EEF2K: variants seen among roughly 807,000 people sequenced by gnomAD.
The protein encoded by EEF2K is alternative protein EEF2K.
Under a neutral mutation model 93.8 loss-of-function variants are expected in EEF2K, and 70 were observed. The ratio of observed to expected loss-of-function variants is 0.75; its 90% CI spans 0.62 to 0.91. The LOEUF (loss-of-function observed/expected upper bound fraction) is 0.91, where lower values mean the gene tolerates loss of function less well. EEF2K is among the 40% of genes least tolerant of loss of function. EEF2K has a pLI of 0.00. For missense variants in EEF2K, 935 were observed against 972.9 expected (o/e 0.96, Z 0.52); for synonymous variants, 376 against 380.8 (o/e 0.99, Z 0.15).
chr16:22,249,803 T>TA (rs1313347394), intron 4 of EEF2K, among the ~76,000 whole-genome samples: 60 of 151,510 alleles, frequency 4.0e-4, no homozygotes, highest in Non-Finnish European at 2.7e-4. Flanking sequence ...TTTTTGGAGA[T>TA]AGAGTTTTGC....
chr16:22,279,052 G>A (rs902006290), intron 16 of EEF2K, among the ~76,000 whole-genome samples: 2 of 152,068 alleles, frequency 1.3e-5, no homozygotes, highest in African/African-American at 2.4e-5. Context: ...TTCTCTACAA[G>A]TCAGAGGGCA....
At chr16:22,283,338 A>G (rs1232548672) in intron 17 of EEF2K, among the ~76,000 whole-genome samples, 2 of 151,612 alleles carry the variant, frequency 1.3e-5, no homozygotes, top group African/African-American at 2.4e-5. Context: ...AAAGAAGAAG[A>G]ATGATGCAAA....
intron 1 of EEF2K, among the ~76,000 whole-genome samples, chr16:22,215,104 T>C (rs1216996561): frequency 6.6e-6 from 1 of 152,164 alleles, no homozygotes; most frequent in Non-Finnish European, 1.5e-5. Flanking sequence ...TGAAGACTCC[T>C]ATACAAACGA....
intron 3 of EEF2K, among the ~76,000 whole-genome samples, chr16:22,246,503 G>A (rs1479877697): frequency 3.1e-5 from 4 of 128,434 alleles, no homozygotes; most frequent in African/African-American, 1.2e-4. Flanking sequence ...GTGACAGAGT[G>A]AGACTCAGTC....
rs375963775 is a variant in EEF2K at position 22,238,044 on chromosome 16, C to G, written c.247-6586C>G. 2.0e-4 allele frequency among the ~76,000 whole-genome samples: 31 copies of G among 152,258 alleles called. 1 individual carries two copies. In the East Asian group the frequency reaches 3.9e-3, roughly 19 times the overall value. ...GTGGCTCACGCCTGTAATCTCAGCA[C>G]TTTGGGAGGCCAAGGTGAGTGGATC... On this transcript the variant is annotated intron_variant, in intron 2 of 17. Coordinates refer to ENST00000263026, the MANE Select transcript of EEF2K (RefSeq NM_013302.5).
At chr16:22,283,403 T>G (rs1490100959) in intron 17 of EEF2K, among the ~76,000 whole-genome samples, 2 of 151,560 alleles carry the variant, frequency 1.3e-5, no homozygotes, top group East Asian at 3.9e-4. Flanking sequence ...AAACCTGAAG[T>G]ATATTTGTAT....
chr16:22,274,525 A>G (rs956202286), intron 16 of EEF2K, among the ~76,000 whole-genome samples: 3 of 152,144 alleles, frequency 2.0e-5, no homozygotes, highest in African/African-American at 7.2e-5. Context: ...TGCCTGAGAA[A>G]AAAATCTGAA....
rs35496277 is a variant in EEF2K at position 22,256,103 on chromosome 16, A to AT, written c.619-635dup. Among the ~76,000 whole-genome samples, 8 of 146,694 alleles carry AT rather than the reference A, an allele frequency of 5.5e-5. No homozygotes were observed. The East Asian group carries it at 6.0e-4, about 11-fold the overall frequency. ...TAATTTTTGTATTTTTATTTTATTA[A>AT]TTTTTTTTTTGAGACGGAGTTTTGC... On this transcript the variant is annotated intron_variant, in intron 6 of 17. Coordinates refer to ENST00000263026, the MANE Select transcript of EEF2K (RefSeq NM_013302.5).
intron 2 of EEF2K, among the ~76,000 whole-genome samples, chr16:22,242,563 C>T (rs1288662570): frequency 1.3e-5 from 2 of 151,934 alleles, no homozygotes; most frequent in East Asian, 1.9e-4. Context: ...CCATCTGCCT[C>T]GGCCTCCCAA....
intron 6 of EEF2K, among the ~76,000 whole-genome samples, chr16:22,254,844 G>T (rs1187669543): frequency 2.0e-5 from 3 of 152,016 alleles, no homozygotes; most frequent in East Asian, 1.9e-4. Context: ...GGGGTGGGGG[G>T]GCGGATCACT....
At chr16:22,267,466 A>G (rs1378662154) in intron 15 of EEF2K, among the ~76,000 whole-genome samples, 2 of 152,032 alleles carry the variant, frequency 1.3e-5, no homozygotes, top group East Asian at 3.9e-4. Flanking sequence ...GTGGTGGCAC[A>G]CACCTGTAAT....
Position 22,258,580 on chromosome 16 carries a change from G to A in EEF2K, c.1116G>A (p.Leu372=). 1 of 1,614,110 alleles carries A rather than the reference G, an allele frequency of 6.2e-7. No homozygotes were observed. Residue 372 remains leucine (L), a synonymous_variant, in exon 10 of 18, where the codon CTG becomes CTA. Transcript: ENST00000263026. ...CCCTCTCTGGGAGCCGGCCACCCCT[G>A]CTCCGTCCCCTTTCAGAGAACTCTG... ...VRTLSGSRPP[L]LRPLSENSGD...
Position 22,287,054 on chromosome 16 carries a change from G to A in EEF2K, c.*3058G>A, listed in dbSNP as rs2047760175. 1 of 152,310 alleles carries A rather than the reference G, an allele frequency of 6.6e-6. No individual in the cohort carries two copies. Among genetic ancestry groups the A allele is most frequent in the Non-Finnish European group, 1.5e-5 (1 of 68,106 alleles). 9.4% of individuals were successfully genotyped at this position (152,310 alleles called of 1,614,324 possible). A position where few individuals can be genotyped will look rare whatever the true frequency, so the allele number is the denominator to read the frequency against. On this transcript the variant is annotated 3_prime_UTR_variant, in exon 18 of 18. Coordinates refer to ENST00000263026, the MANE Select transcript of EEF2K (RefSeq NM_013302.5). ...TTGCAAGAGGTTGAGATCCTTCTGA[G>A]CTAGGAGAACTTATTCCACCTTCAA...
At position 22,258,660 on chromosome 16, in the gene EEF2K, C is replaced by G; in HGVS notation, c.1196C>G (p.Ser399Trp). The G allele has an allele frequency of 6.2e-7, 1 of 1,614,184 alleles. No homozygotes were observed. The highest frequency in any genetic ancestry group is 1.1e-5 in the South Asian group (1 of 91,088). ...TFDSLPSSPS[S>W]ATPHSQKLDH... Reference sequence around the variant, plus strand: ...GACTCTCTCCCTTCTTCCCCATCTTCGGCCACACCACACAGCCAGAAGCTA... The same window carrying G: ...GACTCTCTCCCTTCTTCCCCATCTTGGGCCACACCACACAGCCAGAAGCTA... The change falls in exon 10 of 18, where the codon TCG becomes TGG. Residue 399 changes from serine to tryptophan, a missense_variant. Transcript: ENST00000263026.
chr16:22,222,086 T>A (rs933283038), intron 1 of EEF2K, among the ~76,000 whole-genome samples: 1 of 152,106 alleles, frequency 6.6e-6, no homozygotes, highest in African/African-American at 2.4e-5. Context: ...AATTAAAAAA[T>A]TAAAAATAAA....
chr16:22,273,877 C>A, intron 16 of EEF2K, 127 bp downstream of exon 16: 1 of 1,388,734 alleles, frequency 7.2e-7, no homozygotes, highest in Non-Finnish European at 9.6e-7. Flanking sequence ...CAACCATGGG[C>A]AACTTATTTT....
chr16:22,234,414 G>T (rs1197290892), intron 2 of EEF2K, among the ~76,000 whole-genome samples: 1 of 152,048 alleles, frequency 6.6e-6, no homozygotes, highest in Non-Finnish European at 1.5e-5. Flanking sequence ...AAAATTATCT[G>T]GGCGTGGTGG....
rs1317350495 is a variant in EEF2K, at chr16:22,285,277, A to C, written c.*1281A>C. 1 of 152,116 alleles carries C rather than the reference A, an allele frequency of 6.6e-6. No homozygotes were observed. The highest frequency in any genetic ancestry group is 1.9e-4 in the East Asian group (1 of 5,186). The allele number at this position is 152,116 out of a possible 1,614,324, so 9.4% of individuals were successfully genotyped here. A position where few individuals can be genotyped will look rare whatever the true frequency, so the allele number is the denominator to read the frequency against. ...TGTTCTTACGTGAAATCTGCTCCCC[A>C]GCCCTGGTCCTTGGCATTTTCTGCT... On this transcript the variant is annotated 3_prime_UTR_variant, in exon 18 of 18. Coordinates refer to ENST00000263026, the MANE Select transcript of EEF2K (RefSeq NM_013302.5).
chr16:22,257,145 A>G (rs1203572601), intron 7 of EEF2K, 108 bp from the exon 8 acceptor site: 3 of 1,561,184 alleles, frequency 1.9e-6, no homozygotes, highest in African/African-American at 1.4e-5. Flanking sequence ...TTTCCTCTAT[A>G]TAACTCCTTG....
Sources: gnomAD v4.1 joint callset for allele counts (sites outside exome capture counted in the v4.1 genomes callset) on GRCh38, gnomAD v4.1.1 for gene constraint, MANE v1.5 for transcripts, NCBI Gene and HGNC (gene_info 2026-07-23, HGNC 2026-07-21) for gene names.